HMGCS2: variants seen among roughly 807,000 people sequenced by gnomAD.
HMGCS2 encodes the protein 3-hydroxy-3-methylglutaryl-CoA synthase 2.
HMGCS2 carries 50 observed loss-of-function variants against 57.4 expected under a neutral mutation model. The ratio of observed to expected loss-of-function variants is 0.87; its 90% CI spans 0.69 to 1.10. The LOEUF is 1.10. HMGCS2 is among the 50% of genes least tolerant of loss of function. The pLI, the probability that HMGCS2 is intolerant of heterozygous loss-of-function variation, is 0.00. For missense variants in HMGCS2, 627 were observed against 636.5 expected (o/e 0.99, Z 0.16); for synonymous variants, 254 against 245.1 (o/e 1.04, Z -0.34).
intron 1 of HMGCS2, among the ~76,000 whole-genome samples, chr1:119,764,998 A>T (rs925790606): frequency 5.3e-5 from 8 of 152,236 alleles, no homozygotes; most frequent in African/African-American, 1.9e-4. Context: ...CTTTAAAAAA[A>T]TTTTAATAAG....
At position 119,757,325 on chromosome 1, in the gene HMGCS2, A is replaced by G; in HGVS notation, c.964T>C (p.Ser322Pro). 2 of 1,614,192 alleles carry G rather than the reference A, an allele frequency of 1.2e-6. No homozygotes were observed. Among genetic ancestry groups the G allele is most frequent in the Non-Finnish European group, 1.7e-6 (2 of 1,180,042 alleles). ...LARLMFNDFL[S>P]ASSDTQTSLY... ...CTGGTTTGTGTGTCACTGCTGGCTG[A>G]CAGGAAGTCATTGAACATCAGGCGA... Residue 322 changes from serine (S) to proline (P), a missense_variant, in exon 5 of 10, where the codon TCA becomes CCA. Physicochemically the swap from Ser to Pro is moderately conservative, Grantham distance 74. Transcript: ENST00000369406.
intron 3 of HMGCS2, 140 bp downstream of exon 3, chr1:119,759,724 G>T: frequency 9.9e-7 from 1 of 1,010,492 alleles, no homozygotes; most frequent in Non-Finnish European, 1.5e-6. Flanking sequence ...CTGCTCCATA[G>T]ACCAGCCCTT....
At chr1:119,765,010 C>T (rs988841313) in intron 1 of HMGCS2, among the ~76,000 whole-genome samples, 3 of 152,146 alleles carry the variant, frequency 2.0e-5, no homozygotes, top group Non-Finnish European at 4.4e-5. Context: ...TTTAATAAGT[C>T]TAACAATAGT....
chr1:119,759,975 C>T lies in HMGCS2; in HGVS notation c.574G>A (p.Val192Met). Residue 192 changes from valine to methionine, a missense_variant, in exon 3 of 10, where the codon GTG becomes ATG. Transcript: ENST00000369406. The stretch of plus-strand genomic sequence containing the variant: ...TAGACGGCAATGTCTCCACAGACCA[C>T]CATGGCATAACGACCTGTAAAGAGA... ...SSSWDGRYAM[V>M]VCGDIAVYPS... 1 of 1,614,026 alleles carries T rather than the reference C, an allele frequency of 6.2e-7. No individual in the cohort carries two copies. The highest frequency in any genetic ancestry group is 8.5e-7 in the Non-Finnish European group (1 of 1,179,902).
chr1:119,755,769 G>C (rs1380975691), intron 5 of HMGCS2, among the ~76,000 whole-genome samples, 172 bp from the exon 6 acceptor site: 2 of 152,122 alleles, frequency 1.3e-5, no homozygotes, highest in East Asian at 3.9e-4. Context: ...TTACCATTCA[G>C]AGAGAGTACT....
chr1:119,768,872 A>T lies in HMGCS2; in HGVS notation c.-28T>A. ...CCAGAGGAGCAAGCAGAAACCCAGC[A>T]GTTCAGAAACCCAGCAGAAACCTTG... On this transcript the variant is annotated 5_prime_UTR_variant, in exon 1 of 10. Coordinates refer to ENST00000369406, the MANE Select transcript of HMGCS2 (RefSeq NM_005518.4). 6.4e-7 allele frequency: 1 copy of T among 1,552,116 alleles called. No individual in the cohort carries two copies. Among genetic ancestry groups the T allele is most frequent in the East Asian group, 2.2e-5 (1 of 44,580 alleles).
Position 119,764,344 on chromosome 1 carries a change from T to C in HMGCS2, c.387A>G (p.Val129=), listed in dbSNP as rs750709310. ...ACTTGTCAATGATGGTCTCAGTGCC[T>C]ACTTCCAGCCTGCCCACAGAGTCCC... ...LPWDSVGRLE[V]GTETIIDKSK... is the part of the protein sequence containing the mutation. Residue 129 remains valine, a synonymous_variant, in exon 2 of 10, where the codon GTA becomes GTG. Transcript: ENST00000369406. 3.1e-6 allele frequency: 5 copies of C among 1,614,142 alleles called. No individual in the cohort carries two copies. Among genetic ancestry groups the C allele is most frequent in the Non-Finnish European group, 4.2e-6 (5 of 1,180,064 alleles).
At chr1:119,758,409 CTT>C (rs113295409) in intron 4 of HMGCS2, among the ~76,000 whole-genome samples, 1 of 146,400 alleles carries the variant, frequency 6.8e-6, no homozygotes, top group Non-Finnish European at 1.5e-5. Context: ...AACTTTTGTA[CTT>C]TTTTTTTTTA....
chr1:119,755,639 C>T (rs368788949), intron 5 of HMGCS2, 42 bp from the exon 6 acceptor site: 292 of 1,600,138 alleles, frequency 1.8e-4, no homozygotes, highest in African/African-American at 1.6e-3. Flanking sequence ...GGCCAGGGGA[C>T]GGGAGGCAGG....
chr1:119,752,567 C>G lies in HMGCS2; in HGVS notation c.1402G>C (p.Glu468Gln), dbSNP rs1327062942. 1 of 1,614,090 alleles carries G rather than the reference C, an allele frequency of 6.2e-7. No homozygotes were observed. Among genetic ancestry groups the G allele is most frequent in the Non-Finnish European group, 8.5e-7 (1 of 1,179,992 alleles). The change falls in exon 8 of 10, where the codon GAG becomes CAG. Residue 468 changes from glutamate (E) to glutamine (Q), a missense_variant. By Grantham distance (29) the Glu-to-Gln change is conservative. Transcript: ENST00000369406. ...TTCTTACCCTTATGGTAGAATTGCT[C>G]TCTTTGGTTCATTATTTCTGTGAAC... ...EEFTEIMNQR[E>Q]QFYHKVNFSP...
In HMGCS2 at chr1:119,757,332, G is replaced by C; in HGVS notation, c.957C>G (p.Asp319Glu). Reference sequence around the variant, plus strand: ...GTGTGTCACTGCTGGCTGACAGGAAGTCATTGAACATCAGGCGAGCCAGAG... The same window carrying C: ...GTGTGTCACTGCTGGCTGACAGGAACTCATTGAACATCAGGCGAGCCAGAG... Reference protein sequence around the residue: ...QKSLARLMFNDFLSASSDTQT... With the variant: ...QKSLARLMFNEFLSASSDTQT... The change falls in exon 5 of 10, where the codon GAC (aspartate) becomes GAG (glutamate). Residue 319 changes from aspartate to glutamate, a missense_variant. Transcript: ENST00000369406. 6.2e-7 allele frequency: 1 copy of C among 1,614,188 alleles called. No individual in the cohort carries two copies. Among genetic ancestry groups the C allele is most frequent in the Non-Finnish European group, 8.5e-7 (1 of 1,180,026 alleles).
At chr1:119,757,187 G>T in intron 5 of HMGCS2, 86 bp downstream of exon 5, 1 of 1,605,532 alleles carries the variant, frequency 6.2e-7, no homozygotes, top group Non-Finnish European at 8.5e-7. Context: ...CCACAGGGGT[G>T]CTGGTGGTCT....
intron 3 of HMGCS2, chr1:119,759,486 C>T: frequency 1.6e-6 from 1 of 634,226 alleles, no homozygotes; most frequent in South Asian, 1.9e-5. Context: ...TTTCCCTTTC[C>T]TCACCTACAT....
Position 119,759,139 on chromosome 1 carries a change from T to C in HMGCS2, c.829A>G (p.Ile277Val). The change falls in exon 4 of 10, where the codon ATC becomes GTC. Residue 277 changes from isoleucine (I) to valine (V), a missense_variant. Ile to Val is a conservative substitution (Grantham distance 29, BLOSUM62 3). Transcript: ENST00000369406. ...DRCYTSYRKK[I>V]QNQWKQAGSD... Reference sequence around the variant, plus strand: ...ATACCTTGCTTCCACTGATTCTGGATTTTTTTACGGTATGATGTGTAACAT... The same window carrying C: ...ATACCTTGCTTCCACTGATTCTGGACTTTTTTACGGTATGATGTGTAACAT... 1 of 1,614,156 alleles carries C rather than the reference T, an allele frequency of 6.2e-7. No individual in the cohort carries two copies. Among genetic ancestry groups the C allele is most frequent in the African/African-American group, 1.3e-5 (1 of 75,046 alleles).
chr1:119,750,850 C>T lies in HMGCS2; in HGVS notation c.1479G>A (p.Glu493=), dbSNP rs761693466. 6.2e-7 allele frequency: 1 copy of T among 1,614,118 alleles called. No individual in the cohort carries two copies. Among genetic ancestry groups the T allele is most frequent in the Admixed American group, 1.7e-5 (1 of 60,022 alleles). The stretch of plus-strand genomic sequence containing the variant: ...TTCGGCGATGCTGCTCGTCCACTCG[C>T]TCCAGGTACCAAGTACCTGGGAAAA... The part of the protein sequence containing the change: ...NSLFPGTWYL[E]RVDEQHRRKY... The change falls in exon 9 of 10, where the codon GAG becomes GAA. Residue 493 remains glutamate, a synonymous_variant. Coordinates refer to ENST00000369406, the MANE Select transcript of HMGCS2 (RefSeq NM_005518.4).
At chr1:119,755,018 T>A (rs1393234759) in intron 6 of HMGCS2, among the ~76,000 whole-genome samples, 1 of 152,020 alleles carries the variant, frequency 6.6e-6, no homozygotes, top group East Asian at 1.9e-4. Flanking sequence ...CTTTCTTTTA[T>A]ATTTATTTAT....
At chr1:119,767,407 G>T (rs894600314) in intron 1 of HMGCS2, among the ~76,000 whole-genome samples, 1 of 152,168 alleles carries the variant, frequency 6.6e-6, no homozygotes, top group Non-Finnish European at 1.5e-5. Context: ...ACGGCAGGGG[G>T]TGACTGAACA....
intron 2 of HMGCS2, among the ~76,000 whole-genome samples, chr1:119,760,257 T>C (rs1163786851): frequency 5.9e-5 from 9 of 152,252 alleles, no homozygotes. Context: ...ATTCGCACTT[T>C]TGGAGACAAT....
rs764302250 is a variant in HMGCS2, at chr1:119,759,141, T to C, written c.827A>G (p.Lys276Arg). 10 of 1,614,212 alleles carry C rather than the reference T, an allele frequency of 6.2e-6. No individual in the cohort carries two copies. The highest frequency in any genetic ancestry group is 8.5e-6 in the Non-Finnish European group (10 of 1,180,024). Residue 276 changes from lysine to arginine, a missense_variant, in exon 4 of 10, where the codon AAA becomes AGA. Lys to Arg is a conservative substitution (Grantham distance 26). Transcript: ENST00000369406. ...ACCTTGCTTCCACTGATTCTGGATT[T>C]TTTTACGGTATGATGTGTAACATCG... is the stretch of plus-strand genomic sequence containing the variant. ...LDRCYTSYRK[K>R]IQNQWKQAGS...
Sources: gnomAD v4.1 joint callset for allele counts (sites outside exome capture counted in the v4.1 genomes callset) on GRCh38, gnomAD v4.1.1 for gene constraint, MANE v1.5 for transcripts, NCBI Gene and HGNC (gene_info 2026-07-23, HGNC 2026-07-21) for gene names.